Variants in CKAP5 observed in about 807,000 individuals in gnomAD.
The protein encoded by CKAP5 is cytoskeleton associated protein 5.
CKAP5 carries 27 observed loss-of-function variants against 232.8 expected under a neutral mutation model. The observed-to-expected ratio is 0.12, with a 90% CI of 0.09 to 0.16. The LOEUF is 0.16. Among genes scored for constraint, CKAP5 ranks in the 10% least tolerant of loss-of-function variants. CKAP5 has a pLI of 1.00. For missense variants in CKAP5, 1,838 were observed against 2,424.7 expected, an observed-to-expected ratio of 0.76 and a Z score of 5.08; for synonymous variants, 785 against 841.1, an observed-to-expected ratio of 0.93 and a Z score of 1.16.
intron 33 of CKAP5, among the ~76,000 whole-genome samples, chr11:46,760,192 T>C (rs1037293208): frequency 1.3e-5 from 2 of 152,196 alleles, no homozygotes; most frequent in Non-Finnish European, 2.9e-5. Context: ...CCACATGACA[T>C]TGAACTTTTG....
intron 26 of CKAP5, among the ~76,000 whole-genome samples, chr11:46,769,726 A>C (rs1592445342): frequency 6.6e-6 from 1 of 152,036 alleles, no homozygotes; most frequent in East Asian, 1.9e-4. Context: ...AAACAAAAAA[A>C]ACTTTTTAGA....
chr11:46,771,099 T>C (rs968877935), intron 24 of CKAP5, 117 bp from the exon 25 acceptor site: 12 of 761,326 alleles, frequency 1.6e-5, no homozygotes, highest in Non-Finnish European at 2.3e-5. Flanking sequence ...ACACTATAAC[T>C]TTCCAATATG....
intron 1 of CKAP5, among the ~76,000 whole-genome samples, 153 bp from the exon 2 acceptor site, chr11:46,821,421 C>CT (rs369366613): frequency 0.71 from 73,476 of 104,064 alleles, 29,243 homozygotes; most frequent in Middle Eastern, 0.78. Context: ...ATTAACAGGA[C>CT]TTTTTTTTTT....
intron 1 of CKAP5, among the ~76,000 whole-genome samples, chr11:46,836,952 G>A (rs1029895473): frequency 6.6e-6 from 1 of 152,152 alleles, no homozygotes; most frequent in Non-Finnish European, 1.5e-5. Context: ...AGAAAAGAAT[G>A]AAGACTATGA....
In CKAP5 at chr11:46,784,638, A is replaced by C; in HGVS notation, c.2004T>G (p.Ile668Met). Residue 668 changes from isoleucine (I) to methionine (M), a missense_variant, in exon 17 of 44, where the codon ATT becomes ATG. Coordinates refer to ENST00000529230, the MANE Select transcript of CKAP5 (RefSeq NM_001008938.4). ...TTTTGGAAAAATTTCCCTTCTGGGC[A>C]ATCAAAGCAACTATATGAAGCTTCA... ...MQMKLHIVAL[I>M]AQKGNFSKTS... 1 of 1,614,148 alleles carries C rather than the reference A, an allele frequency of 6.2e-7. No individual in the cohort carries two copies. The highest frequency in any genetic ancestry group is 8.5e-7 in the Non-Finnish European group (1 of 1,180,000).
chr11:46,770,063 C>T lies in CKAP5; in HGVS notation c.3222G>A (p.Glu1074=). 6.2e-7 allele frequency: 1 copy of T among 1,614,096 alleles called. No individual in the cohort carries two copies. The highest frequency in any genetic ancestry group is 1.7e-4 in the Middle Eastern group (1 of 6,040). The change falls in exon 26 of 44, where the codon GAG becomes GAA. Residue 1074 remains glutamate, a synonymous_variant. Coordinates refer to ENST00000529230, the MANE Select transcript of CKAP5 (RefSeq NM_001008938.4). ...TSKDQVLAML[E]KAKVNMPAKP... The stretch of plus-strand genomic sequence containing the variant: ...TGGCTGGCATGTTAACTTTGGCTTT[C>T]TCTAGCATGGCCAATACCTGATCTT...
chr11:46,777,823 G>C (rs991720080), intron 22 of CKAP5, among the ~76,000 whole-genome samples: 3 of 152,100 alleles, frequency 2.0e-5, no homozygotes, highest in Non-Finnish European at 4.4e-5. Flanking sequence ...CTAGTTTAAG[G>C]AAATCCTGAC....
At chr11:46,815,252 A>G (rs770292704) in intron 4 of CKAP5, among the ~76,000 whole-genome samples, 1 of 152,034 alleles carries the variant, frequency 6.6e-6, no homozygotes, top group Non-Finnish European at 1.5e-5. Context: ...GTTTCACCAC[A>G]TTGGCCAGGC....
At position 46,776,233 on chromosome 11, in the gene CKAP5, A is replaced by G. The variant is rs763398925; in HGVS notation, c.2991+22T>C. On this transcript the variant is annotated intron_variant, in intron 24 of 43. Transcript: ENST00000529230. ...GAAGTAAATGACATGAGTAATGCAC[A>G]TGATTAATTTATGATACTAACCTCT... is the stretch of plus-strand genomic sequence containing the variant. 19 of 1,610,446 alleles carry G rather than the reference A, an allele frequency of 1.2e-5. No individual in the cohort carries two copies. In the East Asian group the frequency reaches 4.0e-4, roughly 34 times the overall value.
intron 16 of CKAP5, 146 bp from the exon 17 acceptor site, chr11:46,784,819 C>A: frequency 7.9e-5 from 41 of 520,682 alleles, no homozygotes; most frequent in Non-Finnish European, 8.5e-5. Flanking sequence ...AACAAATATG[C>A]AAAATAATTT....
intron 13 of CKAP5, among the ~76,000 whole-genome samples, chr11:46,791,293 A>C (rs1025694228): frequency 1.3e-5 from 2 of 149,722 alleles, no homozygotes; most frequent in Non-Finnish European, 3.0e-5. Context: ...TCTGTCATCC[A>C]GACTGGAGTG....
intron 16 of CKAP5, 65 bp downstream of exon 16, chr11:46,788,616 C>T: frequency 3.2e-6 from 3 of 943,474 alleles, no homozygotes; most frequent in Non-Finnish European, 5.1e-6. Flanking sequence ...TGCTGTATTA[C>T]TCCATAGGAT....
intron 25 of CKAP5, 26 bp downstream of exon 25, chr11:46,770,762 G>A: frequency 6.3e-7 from 1 of 1,599,458 alleles, no homozygotes; most frequent in African/African-American, 1.3e-5. Flanking sequence ...GCTTTTAACA[G>A]CAGTAGCAGC....
intron 1 of CKAP5, among the ~76,000 whole-genome samples, chr11:46,823,262 A>ATG: frequency 6.6e-6 from 1 of 152,152 alleles, no homozygotes; most frequent in South Asian, 2.1e-4. Flanking sequence ...TATCTAGACA[A>ATG]CACCTTTTTC....
Position 46,784,473 on chromosome 11 carries a change from T to G in CKAP5, c.2154+15A>C, listed in dbSNP as rs2065370164. The G allele has an allele frequency of 6.3e-7, 1 of 1,595,214 alleles. No homozygotes were observed. The highest frequency in any genetic ancestry group is 1.3e-5 in the African/African-American group (1 of 74,288). Reference sequence around the variant, plus strand: ...ATTGGGAAAACTAGAGGAATAAGACTTCTGTGTCACTAACCTGTTCAGCAG... The same window carrying G: ...ATTGGGAAAACTAGAGGAATAAGACGTCTGTGTCACTAACCTGTTCAGCAG... On this transcript the variant is annotated intron_variant, in intron 17 of 43. Coordinates refer to ENST00000529230, the MANE Select transcript of CKAP5 (RefSeq NM_001008938.4).
chr11:46,829,840 G>T (rs1175498572), intron 1 of CKAP5, among the ~76,000 whole-genome samples: 29 of 9,226 alleles, frequency 3.1e-3, no homozygotes, highest in Non-Finnish European at 8.2e-3. Context: ...TTTTTTGTAT[G>T]TGTGTGTGTG....
chr11:46,816,261 C>T lies in CKAP5; in HGVS notation c.395G>A (p.Gly132Asp). 1 of 1,614,132 alleles carries T rather than the reference C, an allele frequency of 6.2e-7. No individual in the cohort carries two copies. The highest frequency in any genetic ancestry group is 8.5e-7 in the Non-Finnish European group (1 of 1,180,026). ...GATCTTGGGATTCTTATTGTCCAAG[C>T]CTTTCAGGAGCTCTTCTTGAACAGC... ...GEAVQEELLK[G>D]LDNKNPKIIV... The change falls in exon 4 of 44, where the codon GGC becomes GAC. Residue 132 changes from glycine (G) to aspartate (D), a missense_variant. By Grantham distance (94) the Gly-to-Asp change is moderately conservative. Transcript: ENST00000529230.
At chr11:46,843,143 C>T (rs1313496568) in intron 1 of CKAP5, among the ~76,000 whole-genome samples, 1 of 151,708 alleles carries the variant, frequency 6.6e-6, no homozygotes. Flanking sequence ...GGGTTCCAAA[C>T]AAGTTTGCTA....
intron 4 of CKAP5, among the ~76,000 whole-genome samples, chr11:46,815,351 T>A (rs1051282688): frequency 6.6e-6 from 1 of 151,914 alleles, no homozygotes; most frequent in Non-Finnish European, 1.5e-5. Context: ...CCTGGCCATA[T>A]TTATTTATTT....
Sources: gnomAD v4.1 joint callset for allele counts (sites outside exome capture counted in the v4.1 genomes callset) on GRCh38, gnomAD v4.1.1 for gene constraint, MANE v1.5 for transcripts, NCBI Gene and HGNC (gene_info 2026-07-23, HGNC 2026-07-21) for gene names.